The following LOXHD1 variants were observed in gnomAD, a reference collection of about 807,000 sequenced individuals.
LOXHD1 encodes lipoxygenase homology PLAT domains 1.
In LOXHD1, 205 loss-of-function variants were observed where a neutral mutation model predicts 248.2. The ratio of observed to expected loss-of-function variants is 0.83; its 90% CI spans 0.74 to 0.93. The LOEUF is 0.93. Among genes scored for constraint, LOXHD1 ranks in the 40% least tolerant of loss-of-function variants. The probability of loss-of-function intolerance (pLI) is 0.00; values close to 1 mark genes in which losing one functional copy is unlikely to be tolerated. For missense variants in LOXHD1, 2,930 were observed against 2,971.6 expected, an observed-to-expected ratio of 0.99 and a Z score of 0.33; for synonymous variants, 1,113 against 1,162.8, an observed-to-expected ratio of 0.96 and a Z score of 0.87.
chr18:46,625,288 C>G (rs2038725378), intron 4 of LOXHD1, among the ~76,000 whole-genome samples: 1 of 152,168 alleles, frequency 6.6e-6, no homozygotes, highest in African/African-American at 2.4e-5. Flanking sequence ...CAAACACAGT[C>G]CGTGCATTTG....
intron 4 of LOXHD1, among the ~76,000 whole-genome samples, chr18:46,636,397 A>G (rs2038892971): frequency 6.6e-6 from 1 of 152,190 alleles, no homozygotes; most frequent in Admixed American, 6.5e-5. Flanking sequence ...GTCTTGACGC[A>G]TGAAATGCAA....
intron 21 of LOXHD1, among the ~76,000 whole-genome samples, chr18:46,550,600 A>AAAAAAAAAAAC: frequency 6.7e-6 from 1 of 150,278 alleles, no homozygotes; most frequent in Non-Finnish European, 1.5e-5. Context: ...AAAAAAAAAA[A>AAAAAAAAAAAC]AGAGTCAGCG....
chr18:46,563,846 G>A (rs949543338), intron 17 of LOXHD1, among the ~76,000 whole-genome samples: 2 of 152,132 alleles, frequency 1.3e-5, no homozygotes, highest in Non-Finnish European at 2.9e-5. Context: ...AGACACCAGG[G>A]ATGTGGAGAG....
intron 26 of LOXHD1, among the ~76,000 whole-genome samples, chr18:46,537,639 A>G (rs2144315789): frequency 6.6e-6 from 1 of 152,324 alleles, no homozygotes; most frequent in Admixed American, 6.5e-5. Flanking sequence ...CACAGTAAAC[A>G]CTGAACAACA....
intron 6 of LOXHD1, among the ~76,000 whole-genome samples, chr18:46,605,370 C>CA (rs1267921970): frequency 7.9e-5 from 12 of 151,716 alleles, no homozygotes; most frequent in African/African-American, 1.2e-4. Context: ...ACTAAAAATA[C>CA]AAAAAAATTG....
At chr18:46,541,965 C>A in intron 24 of LOXHD1, 25 bp from the exon 25 acceptor site, 1 of 1,540,424 alleles carries the variant, frequency 6.5e-7, no homozygotes, top group South Asian at 1.2e-5. Context: ...GACACAAAAC[C>A]CATCAAGGAC....
intron 36 of LOXHD1, 70 bp downstream of exon 36, chr18:46,507,468 A>G (rs2034644560): frequency 6.5e-7 from 1 of 1,530,272 alleles, no homozygotes; most frequent in Admixed American, 2.0e-5. Flanking sequence ...GACCAGAAAC[A>G]AGGGCCTGAG....
intron 25 of LOXHD1, among the ~76,000 whole-genome samples, chr18:46,540,654 CTTTTTTT>C (rs60099172): frequency 3.1e-4 from 28 of 91,402 alleles, no homozygotes; most frequent in South Asian, 8.9e-4. Flanking sequence ...AACTCTTTAT[CTTTTTTT>C]TTTTTTTTTT....
At chr18:46,629,802 AAAAAAG>A (rs2038795856) in intron 4 of LOXHD1, among the ~76,000 whole-genome samples, 2 of 151,230 alleles carry the variant, frequency 1.3e-5, no homozygotes, top group African/African-American at 4.9e-5. Flanking sequence ...TAAAAAAAAA[AAAAAAG>A]AAAAAAAGAA....
chr18:46,545,378 C>T lies in LOXHD1; in HGVS notation c.3558G>A (p.Lys1186=). The T allele has an allele frequency of 2.6e-6, 4 of 1,552,092 alleles. No individual in the cohort carries two copies. Among genetic ancestry groups the T allele is most frequent in the Non-Finnish European group, 3.5e-6 (4 of 1,147,038 alleles). The change falls in exon 23 of 41, where the codon AAG becomes AAA. Residue 1186 remains lysine (K), a synonymous_variant. Coordinates refer to ENST00000642948, the MANE Select transcript of LOXHD1 (RefSeq NM_001384474.1). ...CATTAGCATCTGTGCCCGCATTCTT[C>T]TTAACCCCAGTCTTTATGGTCACTG... ...TFSVTIKTGV[K]KNAGTDANVF...
chr18:46,505,708 T>TTC (rs1249691108), intron 37 of LOXHD1, 130 bp downstream of exon 37: 113 of 892,464 alleles, frequency 1.3e-4, no homozygotes, highest in Non-Finnish European at 1.7e-4. Context: ...AATGTGGTGG[T>TTC]CATCAACTGT....
At position 46,521,133 on chromosome 18, in the gene LOXHD1, G is replaced by T; in HGVS notation, c.5235C>A (p.Asp1745Glu). Residue 1745 changes from aspartate to glutamate, a missense_variant, in exon 33 of 41, where the codon GAC becomes GAA. Asp to Glu is a conservative substitution (Grantham distance 45). Coordinates refer to ENST00000642948, the MANE Select transcript of LOXHD1 (RefSeq NM_001384474.1). ...RGDGITSRVF[D>E]LLDAMVVNIG... The stretch of plus-strand genomic sequence containing the variant: ...TGTTCACCACCATGGCATCCAAGAG[G>T]TCGAAGACACGGGAGGTGATGCCGT... 2 of 1,551,730 alleles carry T rather than the reference G, an allele frequency of 1.3e-6. No homozygotes were observed. The highest frequency in any genetic ancestry group is 1.7e-6 in the Non-Finnish European group (2 of 1,146,994).
intron 2 of LOXHD1, among the ~76,000 whole-genome samples, chr18:46,648,741 A>C (rs2039066862): frequency 6.6e-6 from 1 of 152,190 alleles, no homozygotes; most frequent in Non-Finnish European, 1.5e-5. Flanking sequence ...TTAACACAAC[A>C]CTGGTCCCTG....
intron 2 of LOXHD1, among the ~76,000 whole-genome samples, chr18:46,643,880 A>C (rs1211439571): frequency 6.6e-6 from 1 of 152,248 alleles, no homozygotes; most frequent in Non-Finnish European, 1.5e-5. Flanking sequence ...ATAGGTTTAT[A>C]ATATAGGCTT....
intron 23 of LOXHD1, chr18:46,545,030 G>A: frequency 2.1e-6 from 1 of 472,616 alleles, no homozygotes; most frequent in Non-Finnish European, 4.1e-6. Context: ...CATACTGAGA[G>A]TATCATGGCT....
rs566951620 is a variant in LOXHD1 at position 46,647,634 on chromosome 18, C to T, written c.245+1521G>A. On this transcript the variant is annotated intron_variant, in intron 2 of 40. Coordinates refer to ENST00000642948, the MANE Select transcript of LOXHD1 (RefSeq NM_001384474.1). ...GAAAGACTTCTGCAAGCGAGTCAAA[C>T]TGCAGTGTAAGCGGTACAAGAAGGC... Among the ~76,000 whole-genome samples the T allele has an allele frequency of 1.4e-4, 21 of 152,328 alleles. No homozygotes were observed. The South Asian group carries it at 4.1e-3, about 30-fold the overall frequency.
At chr18:46,558,133 C>G (rs888163157) in intron 20 of LOXHD1, 1 of 917,574 alleles carries the variant, frequency 1.1e-6, no homozygotes. Flanking sequence ...CTACAGAAAA[C>G]TTTCAGAAAT....
rs1479415934 is a variant in LOXHD1 at position 46,601,484 on chromosome 18, A to G, written c.884-17T>C. ...ACGTAATAGCTGGTGTGGAAACAAC[A>G]GGAAAGAGAGTGTTCAATGTGAGCT... On this transcript the variant is annotated splice_polypyrimidine_tract_variant and intron_variant, in intron 7 of 40. Coordinates refer to ENST00000642948, the MANE Select transcript of LOXHD1 (RefSeq NM_001384474.1). 7 of 1,551,776 alleles carry G rather than the reference A, an allele frequency of 4.5e-6. No individual in the cohort carries two copies. Among genetic ancestry groups the G allele is most frequent in the Non-Finnish European group, 6.1e-6 (7 of 1,147,016 alleles).
chr18:46,540,654 C>CTTTTTTTTTTTTTTTTTT (rs60099172), intron 25 of LOXHD1, among the ~76,000 whole-genome samples: 2 of 91,402 alleles, frequency 2.2e-5, no homozygotes, highest in Non-Finnish European at 4.0e-5. Flanking sequence ...AACTCTTTAT[C>CTTTTTTTTTTTTTTTTTT]TTTTTTTTTT....
Sources: gnomAD v4.1 joint callset for allele counts (sites outside exome capture counted in the v4.1 genomes callset) on GRCh38, gnomAD v4.1.1 for gene constraint, MANE v1.5 for transcripts, NCBI Gene and HGNC (gene_info 2026-07-23, HGNC 2026-07-21) for gene names.